The following EHMT1 variants were observed in gnomAD, a reference collection of about 807,000 sequenced individuals.
EHMT1 encodes histone-lysine N-methyltransferase EHMT1.
EHMT1 carries 15 observed loss-of-function variants against 147.2 expected under a neutral mutation model. The ratio of observed to expected loss-of-function variants is 0.10; its 90% confidence interval spans 0.07 to 0.16. The LOEUF (loss-of-function observed/expected upper bound fraction) is 0.16. Ranked by LOEUF, EHMT1 falls within the 10% of genes least tolerant of loss-of-function variation. EHMT1 has a pLI of 1.00. For synonymous variants in EHMT1, 795 were observed against 709.6 expected, an observed-to-expected ratio of 1.12 and a Z score of -1.91; for missense variants, 1,587 against 1,772.4, an observed-to-expected ratio of 0.90 and a Z score of 1.88.
At chr9:137,636,914 T>C (rs1368632492) in intron 1 of EHMT1, among the ~76,000 whole-genome samples, 4 of 150,194 alleles carry the variant, frequency 2.7e-5, no homozygotes, top group African/African-American at 9.8e-5. Context: ...TTTTTTTTTT[T>C]TGAGACAGAG....
At chr9:137,777,142 C>G (rs1588651830) in intron 12 of EHMT1, 1 of 400,022 alleles carries the variant, frequency 2.5e-6, no homozygotes, top group East Asian at 5.4e-5. Context: ...TGTTGGTACA[C>G]AAGCGATAGA....
chr9:137,743,621 C>G, intron 5 of EHMT1, 93 bp downstream of exon 5: 3 of 1,574,008 alleles, frequency 1.9e-6, no homozygotes, highest in Non-Finnish European at 2.6e-6. Flanking sequence ...TGACCTCAGT[C>G]CCCGGGAAGG....
At chr9:137,805,686 G>A (rs1356703952) in intron 18 of EHMT1, among the ~76,000 whole-genome samples, 1 of 149,038 alleles carries the variant, frequency 6.7e-6, no homozygotes, top group Non-Finnish European at 1.5e-5. Context: ...TTTTTAAGAT[G>A]GAGTCTTGCT....
At chr9:137,688,173 G>A (rs375225963) in intron 1 of EHMT1, among the ~76,000 whole-genome samples, 3 of 152,032 alleles carry the variant, frequency 2.0e-5, no homozygotes, top group African/African-American at 4.8e-5. Flanking sequence ...ACAAGCATGC[G>A]CCACCACGCC....
chr9:137,805,177 CGT>C (rs1953840468), intron 18 of EHMT1, among the ~76,000 whole-genome samples: 1 of 150,854 alleles, frequency 6.6e-6, no homozygotes, highest in Non-Finnish European at 1.5e-5. Context: ...CATTCGTCCA[CGT>C]GTGAGTCGTC....
At chr9:137,632,664 A>G (rs1396477072) in intron 1 of EHMT1, among the ~76,000 whole-genome samples, 2 of 152,068 alleles carry the variant, frequency 1.3e-5, no homozygotes, top group Admixed American at 6.6e-5. Flanking sequence ...TTGGCCTCCT[A>G]CGGTGCTGGG....
intron 4 of EHMT1, among the ~76,000 whole-genome samples, chr9:137,728,799 G>A (rs1946846818): frequency 6.6e-6 from 1 of 152,152 alleles, no homozygotes; most frequent in African/African-American, 2.4e-5. Context: ...TGACTCACTT[G>A]GTCTATGTGG....
intron 1 of EHMT1, among the ~76,000 whole-genome samples, chr9:137,683,048 T>C (rs574095797): frequency 1.4e-4 from 22 of 152,368 alleles, no homozygotes; most frequent in Admixed American, 8.5e-4. Context: ...TCTAGTTCTT[T>C]CCACAGCTAG....
chr9:137,729,263 C>T (rs938891252), intron 4 of EHMT1, among the ~76,000 whole-genome samples: 2 of 152,182 alleles, frequency 1.3e-5, no homozygotes, highest in Non-Finnish European at 2.9e-5. Flanking sequence ...ATCACCTGGC[C>T]ACAGGTGTCT....
chr9:137,633,900 G>A (rs1020685744), intron 1 of EHMT1, among the ~76,000 whole-genome samples: 4 of 148,776 alleles, frequency 2.7e-5, no homozygotes, highest in Non-Finnish European at 4.4e-5. Context: ...TGCAACCTCC[G>A]CCTCCCGGGT....
intron 1 of EHMT1, chr9:137,638,202 C>T (rs1844220683): frequency 6.6e-6 from 1 of 152,014 alleles, no homozygotes; most frequent in Non-Finnish European, 1.5e-5. Context: ...GCTCCGCCTC[C>T]TGGGTTCAAG....
At chr9:137,691,928 C>T (rs1218099820) in intron 1 of EHMT1, among the ~76,000 whole-genome samples, 1 of 152,188 alleles carries the variant, frequency 6.6e-6, no homozygotes, top group Non-Finnish European at 1.5e-5. Flanking sequence ...CTCTCATTTC[C>T]TTCCTCTTTT....
intron 17 of EHMT1, among the ~76,000 whole-genome samples, chr9:137,799,130 G>A (rs370936847): frequency 1.6e-4 from 24 of 151,936 alleles, no homozygotes; most frequent in Admixed American, 8.5e-4. Flanking sequence ...GCCCTCCAGC[G>A]TCCTCTTCCA....
At chr9:137,645,855 T>G (rs1387270450) in intron 1 of EHMT1, among the ~76,000 whole-genome samples, 1 of 152,190 alleles carries the variant, frequency 6.6e-6, no homozygotes, top group Non-Finnish European at 1.5e-5. Flanking sequence ...CTTAGTACGA[T>G]AGTTCACACT....
chr9:137,642,574 G>T lies in EHMT1; in HGVS notation c.21+23525G>T, dbSNP rs149430892. On this transcript the variant is annotated intron_variant, in intron 1 of 26. Transcript: ENST00000460843. Reference sequence around the variant, plus strand: ...TATTTGTTTTCTTGGTTGTCCTGGGGATTACAATTTAGTATATTAATTTTT... The same window carrying T: ...TATTTGTTTTCTTGGTTGTCCTGGGTATTACAATTTAGTATATTAATTTTT... 5.8e-3 allele frequency among the ~76,000 whole-genome samples: 887 copies of T among 152,176 alleles called. 4 individuals are homozygous for T. Among genetic ancestry groups the T allele is most frequent in the Non-Finnish European group, 9.9e-3 (676 of 68,014 alleles).
In EHMT1 at chr9:137,776,084, C is replaced by T. The variant is rs992523419; in HGVS notation, c.1792-534C>T. Among the ~76,000 whole-genome samples the T allele has an allele frequency of 6.6e-6, 1 of 152,188 alleles. No homozygotes were observed. The highest frequency in any genetic ancestry group is 1.5e-5 in the Non-Finnish European group (1 of 68,034). On this transcript the variant is annotated intron_variant, in intron 11 of 26. Coordinates refer to ENST00000460843, the MANE Select transcript of EHMT1 (RefSeq NM_024757.5). This position sits in a 1 kb window ranked among gnomAD's most constrained non-coding sequence, Gnocchi z 4.4. ...TTGGACTTCACACCTTGCATGTCCT[C>T]CCCATCTTCAAACATCCTTTTTTTG...
chr9:137,635,738 T>A (rs980078107), intron 1 of EHMT1, among the ~76,000 whole-genome samples: 3 of 150,684 alleles, frequency 2.0e-5, no homozygotes, highest in African/African-American at 4.9e-5. Context: ...GAGAATGGCA[T>A]GAACCTGGGA....
chr9:137,676,745 C>T (rs1186393318), intron 1 of EHMT1, among the ~76,000 whole-genome samples: 2 of 152,148 alleles, frequency 1.3e-5, no homozygotes, highest in African/African-American at 2.4e-5. Context: ...AGCCCACATG[C>T]GCACTGGGGG....
At chr9:137,697,153 C>T (rs781138700) in intron 1 of EHMT1, 2 of 370,372 alleles carry the variant, frequency 5.4e-6, no homozygotes, top group South Asian at 3.7e-5. Flanking sequence ...TGTTGGCATG[C>T]ACTTGTAATC....
Sources: allele counts gnomAD v4.1 joint callset (sites outside exome capture counted in the v4.1 genomes callset), GRCh38; gene constraint gnomAD v4.1.1; non-coding constraint Gnocchi (gnomAD v3.1); transcripts MANE v1.5; gene names NCBI Gene and HGNC (gene_info 2026-07-23, HGNC 2026-07-21).